Variants in AGGF1 observed in about 807,000 individuals in gnomAD.
AGGF1 encodes the protein angiogenic factor with G patch and FHA domains 1.
Under a neutral mutation model 86.5 loss-of-function variants are expected in AGGF1, and 56 were observed. The ratio of observed to expected loss-of-function variants is 0.65; its 90% CI spans 0.52 to 0.81. The LOEUF (loss-of-function observed/expected upper bound fraction) is 0.81, where lower values mean the gene tolerates loss of function less well. AGGF1 is among the 30% of genes least tolerant of loss of function. The pLI is 0.00. For missense variants in AGGF1, 816 were observed against 850.9 expected, an observed-to-expected ratio of 0.96 and a Z score of 0.51; for synonymous variants, 313 against 297.1, an observed-to-expected ratio of 1.05 and a Z score of -0.55.
chr5:77,033,299 G>C (rs1485210384), intron 1 of AGGF1, among the ~76,000 whole-genome samples: 1 of 152,222 alleles, frequency 6.6e-6, no homozygotes, highest in Non-Finnish European at 1.5e-5. Flanking sequence ...ATAGCCTTGT[G>C]CAAATTACTT....
intron 6 of AGGF1, among the ~76,000 whole-genome samples, chr5:77,047,295 G>T (rs1035008287): frequency 6.6e-6 from 1 of 152,032 alleles, no homozygotes. Flanking sequence ...TATTTATATA[G>T]CATTTACATT....
chr5:77,058,236 C>A (rs1219996254), intron 11 of AGGF1, among the ~76,000 whole-genome samples: 1 of 152,020 alleles, frequency 6.6e-6, no homozygotes, highest in Non-Finnish European at 1.5e-5. Context: ...AAAAAAGTTA[C>A]CACTTAATCC....
intron 1 of AGGF1, among the ~76,000 whole-genome samples, chr5:77,033,486 A>G (rs1276604673): frequency 1.3e-5 from 2 of 152,184 alleles, no homozygotes; most frequent in African/African-American, 2.4e-5. Flanking sequence ...GATTTAGGGC[A>G]AGGCAATCAG....
rs753113687 is a variant in AGGF1 at position 77,030,795 on chromosome 5, G to T, written c.29G>T (p.Arg10Leu). ...GCCTCGGAGGCGCCGTCCCCGCCGC[G>T]GTCGCCGCCGCCGCCCACCTCCCCC... MASEAPSPP[R>L]SPPPPTSPEP... is the part of the protein sequence containing the mutation. Residue 10 changes from arginine (R) to leucine (L), a missense_variant, in exon 1 of 14, where the codon CGG becomes CTG. Physicochemically the swap from Arg to Leu is moderately radical, Grantham distance 102. Transcript: ENST00000312916. 1.9e-6 allele frequency: 3 copies of T among 1,593,326 alleles called. No homozygotes were observed. Among genetic ancestry groups the T allele is most frequent in the East Asian group, 4.5e-5 (2 of 44,138 alleles).
intron 5 of AGGF1, among the ~76,000 whole-genome samples, chr5:77,039,953 C>T (rs995826297): frequency 6.6e-6 from 1 of 151,918 alleles, no homozygotes; most frequent in African/African-American, 2.4e-5. Context: ...GATAAAATAT[C>T]TCGTATATAG....
At chr5:77,036,064 A>G (rs1262660993) in intron 3 of AGGF1, 1 of 292,754 alleles carries the variant, frequency 3.4e-6, no homozygotes, top group Non-Finnish European at 6.4e-6. Flanking sequence ...AAAAATTTTA[A>G]TGTTCCTTTA....
chr5:77,032,625 T>C (rs954045163), intron 1 of AGGF1, among the ~76,000 whole-genome samples: 2 of 151,024 alleles, frequency 1.3e-5, no homozygotes, highest in Non-Finnish European at 2.9e-5. Context: ...CTTTTTTACA[T>C]GACAGCCTTT....
chr5:77,047,476 T>C (rs1747290190), intron 6 of AGGF1, among the ~76,000 whole-genome samples: 1 of 152,180 alleles, frequency 6.6e-6, no homozygotes, highest in Non-Finnish European at 1.5e-5. Context: ...AACTGTGTAG[T>C]ATATGAGCTT....
At position 77,034,506 on chromosome 5, in the gene AGGF1, C is replaced by G. The variant is rs780940921; in HGVS notation, c.299C>G (p.Pro100Arg). Reference protein sequence around the residue: ...DVEVQTENHAPWSISDYFYQT... With the variant: ...DVEVQTENHARWSISDYFYQT... ...GAAGTACAAACAGAGAACCATGCTC[C>G]TTGGTCAATCTCAGGTATTTAGCTT... The change falls in exon 2 of 14, where the codon CCT (proline) becomes CGT (arginine). Residue 100 changes from proline to arginine, a missense_variant. This residue lies in a region of AGGF1 where 240 missense variants were observed against 234.4 expected (regional missense o/e 1.02). Transcript: ENST00000312916. 6.2e-7 allele frequency: 1 copy of G among 1,609,416 alleles called. No individual in the cohort carries two copies. Among genetic ancestry groups the G allele is most frequent in the East Asian group, 2.2e-5 (1 of 44,742 alleles).
chr5:77,049,901 T>C (rs921207745), intron 8 of AGGF1, among the ~76,000 whole-genome samples: 2 of 152,150 alleles, frequency 1.3e-5, no homozygotes, highest in Admixed American at 1.3e-4. Flanking sequence ...GTTTTCTCTC[T>C]CCTCTCTTAT....
Position 77,063,563 on chromosome 5 carries a change from A to G in AGGF1, c.*311A>G. ...TAGCCATATAAGCAAAATTCATAGA[A>G]CTACTAATGACTTAAGTGTACATCT... On this transcript the variant is annotated 3_prime_UTR_variant, in exon 14 of 14. Coordinates refer to ENST00000312916, the MANE Select transcript of AGGF1 (RefSeq NM_018046.5). 1 of 337,448 alleles carries G rather than the reference A, an allele frequency of 3.0e-6. No homozygotes were observed. The highest frequency in any genetic ancestry group is 2.9e-5 in the South Asian group (1 of 34,482). 20.9% of individuals were successfully genotyped at this position (337,448 alleles called of 1,614,324 possible).
At chr5:77,034,662 G>A in intron 2 of AGGF1, 142 bp downstream of exon 2, 1 of 670,014 alleles carries the variant, frequency 1.5e-6, no homozygotes. Context: ...TATGATAATG[G>A]TATTTTCGGA....
At chr5:77,050,676 A>G (rs370186572) in intron 8 of AGGF1, among the ~76,000 whole-genome samples, 11 of 152,354 alleles carry the variant, frequency 7.2e-5, no homozygotes, top group African/African-American at 2.4e-4. Flanking sequence ...AGTTTAAAAA[A>G]TGGTAAAAAT....
At chr5:77,054,575 T>G (rs558851311) in intron 10 of AGGF1, among the ~76,000 whole-genome samples, 1 of 152,290 alleles carries the variant, frequency 6.6e-6, no homozygotes, top group Admixed American at 6.5e-5. Context: ...GAGTAGATTT[T>G]AAGTGTTTTT....
At chr5:77,033,776 T>A (rs150306997) in intron 1 of AGGF1, among the ~76,000 whole-genome samples, 85 of 152,348 alleles carry the variant, frequency 5.6e-4, no homozygotes, top group African/African-American at 2.0e-3. Context: ...GTGTATTGAC[T>A]GAGGCAGCGT....
At position 77,056,226 on chromosome 5, in the gene AGGF1, CTTTTTTTTTT is replaced by C. The variant is rs770417117; in HGVS notation, c.1716+641_1716+650del. ...GGCAGTTTGGTGGAGAAAGAGTGGT[CTTTTTTTTTT>C]TTTTTTTTTTGAGACAGAGTCTTAC... On this transcript the variant is annotated intron_variant, in intron 11 of 13. Transcript: ENST00000312916. Among the ~76,000 whole-genome samples, 160 of 104,506 alleles carry C rather than the reference CTTTTTTTTTT, an allele frequency of 1.5e-3. 1 individual carries two copies. Among genetic ancestry groups the C allele is most frequent in the Middle Eastern group, 6.4e-3 (1 of 156 alleles). 68.6% of individuals were successfully genotyped at this position (104,506 alleles called of 152,430 possible). A position where few individuals can be genotyped will look rare whatever the true frequency, so the allele number is the denominator to read the frequency against.
At chr5:77,040,079 T>C (rs767538767) in intron 5 of AGGF1, among the ~76,000 whole-genome samples, 3 of 151,402 alleles carry the variant, frequency 2.0e-5, no homozygotes, top group African/African-American at 7.3e-5. Context: ...TTCTTAGTTA[T>C]GTGGAGCAAT....
chr5:77,032,252 T>TTA (rs1347937817), intron 1 of AGGF1, among the ~76,000 whole-genome samples: 2 of 107,880 alleles, frequency 1.9e-5, no homozygotes, highest in Admixed American at 1.1e-4. Context: ...ACAAATATGG[T>TTA]AAAAAAAAAA....
chr5:77,032,234 A>G (rs1331742779), intron 1 of AGGF1, among the ~76,000 whole-genome samples: 1 of 142,882 alleles, frequency 7.0e-6, no homozygotes, highest in African/African-American at 2.6e-5. Context: ...TAACTATGCT[A>G]GGAAAATACA....
Sources: gnomAD v4.1 joint callset for allele counts (sites outside exome capture counted in the v4.1 genomes callset) on GRCh38, gnomAD v4.1.1 for gene constraint, gnomAD v4.1.1 regional missense constraint, MANE v1.5 for transcripts, NCBI Gene and HGNC (gene_info 2026-07-23, HGNC 2026-07-21) for gene names.